PRELID2: variants seen among roughly 807,000 people sequenced by gnomAD.
The protein encoded by PRELID2 is PRELI domain containing 2.
Under a neutral mutation model 28.4 loss-of-function variants are expected in PRELID2, and 25 were observed. The ratio of observed to expected loss-of-function variants is 0.88; its 90% CI spans 0.64 to 1.23. The LOEUF (loss-of-function observed/expected upper bound fraction) is 1.23. Among genes scored for constraint, PRELID2 ranks in the 50% most tolerant of loss-of-function variants. The pLI, the probability that PRELID2 is intolerant of heterozygous loss-of-function variation, is 0.00. For missense variants in PRELID2, 201 were observed against 214.4 expected, an observed-to-expected ratio of 0.94 and a Z score of 0.39; for synonymous variants, 76 against 71.6, an observed-to-expected ratio of 1.06 and a Z score of -0.31.
chr5:145,611,685 T>C (rs1302470404), intron 1 of PRELID2, among the ~76,000 whole-genome samples: 1 of 152,180 alleles, frequency 6.6e-6, no homozygotes, highest in Non-Finnish European at 1.5e-5. Context: ...AAGACACAAC[T>C]TTTTTAAAAT....
At chr5:145,413,608 A>C in the PRELID2 span, among the ~76,000 whole-genome samples, 1 of 126,020 alleles carries the variant, frequency 7.9e-6, no homozygotes, top group African/African-American at 3.2e-5. Flanking sequence ...TGGATGAAGA[A>C]AATACACACA....
intron 1 of PRELID2, among the ~76,000 whole-genome samples, chr5:145,491,903 CCA>C (rs1752273130): frequency 6.6e-6 from 1 of 152,122 alleles, no homozygotes; most frequent in Admixed American, 6.6e-5. Context: ...GAATAGTACT[CCA>C]GTTTGTATAT....
intron 1 of PRELID2, among the ~76,000 whole-genome samples, chr5:145,688,746 G>A (rs892730821): frequency 3.9e-5 from 6 of 152,178 alleles, no homozygotes; most frequent in African/African-American, 9.7e-5. Flanking sequence ...AGAGCGTAAG[G>A]TGCAAACTTG....
At position 145,644,479 on chromosome 5, in the gene PRELID2, T is replaced by A. The variant is rs1302348114; in HGVS notation, n.70+120452A>T. ...AAAAAAAAACAGCTCCTGGATTCAC[T>A]GATTTTTTGGAAGGGTTTTTCATGT... On this transcript the variant is annotated intron_variant and non_coding_transcript_variant, in intron 1 of 2. Transcript: ENST00000510259. Among the ~76,000 whole-genome samples the A allele has an allele frequency of 2.6e-5, 4 of 152,302 alleles. No individual in the cohort carries two copies. In the East Asian group the frequency reaches 5.8e-4, roughly 22 times the overall value.
At chr5:145,801,182 CTGAG>C (rs1753115751) in intron 4 of PRELID2, among the ~76,000 whole-genome samples, 1 of 152,144 alleles carries the variant, frequency 6.6e-6, no homozygotes, top group African/African-American at 2.4e-5. Context: ...TAATAAGACC[CTGAG>C]TATCACTTTT....
At chr5:145,690,546 T>C (rs1755127645) in intron 1 of PRELID2, among the ~76,000 whole-genome samples, 1 of 152,124 alleles carries the variant, frequency 6.6e-6, no homozygotes, top group Admixed American at 6.6e-5. Context: ...GGCAAGCTTG[T>C]TTGAATATAG....
the PRELID2 span, chr5:145,381,662 C>G: frequency 6.6e-6 from 1 of 152,358 alleles, no homozygotes; most frequent in Non-Finnish European, 1.5e-5. Context: ...TCCACTGAAA[C>G]TCAAAAACAG....
chr5:145,299,044 G>A, the PRELID2 span, among the ~76,000 whole-genome samples: 13 of 151,706 alleles, frequency 8.6e-5, no homozygotes, highest in Non-Finnish European at 1.3e-4. Flanking sequence ...TTTTATTATA[G>A]AAAATTTTAA....
rs200075218 is a variant in PRELID2 at position 145,713,362 on chromosome 5, A to ATATATG, written n.70+51568_70+51569insCATATA. Among the ~76,000 whole-genome samples, 1,347 of 142,296 alleles carry ATATATG rather than the reference A, an allele frequency of 9.5e-3. 45 individuals carry two copies. Among genetic ancestry groups the ATATATG allele is most frequent in the East Asian group, 0.075 (375 of 5,000 alleles). 93.4% of individuals were successfully genotyped at this position (142,296 alleles called of 152,430 possible). On this transcript the variant is annotated intron_variant and non_coding_transcript_variant, in intron 1 of 2. Coordinates refer to the PRELID2 transcript ENST00000510259. Reference sequence around the variant, plus strand: ...ATGATATCTGACTTTATATATATATATATATATACTTTACATTATATATAT... The same window carrying ATATATG: ...ATGATATCTGACTTTATATATATATATATATGTATATATACTTTACATTATATATAT...
At chr5:145,568,022 G>T (rs1056923036) in intron 1 of PRELID2, among the ~76,000 whole-genome samples, 1 of 152,068 alleles carries the variant, frequency 6.6e-6, no homozygotes, top group African/African-American at 2.4e-5. Flanking sequence ...GGACGATACT[G>T]GGCCTTCTCC....
intron 1 of PRELID2, among the ~76,000 whole-genome samples, chr5:145,482,794 G>A (rs569237043): frequency 1.4e-4 from 21 of 151,838 alleles, no homozygotes; most frequent in Non-Finnish European, 2.6e-4. Flanking sequence ...GGTGATGGGA[G>A]ACAGTGACAG....
At chr5:145,696,126 T>C (rs559638226) in intron 1 of PRELID2, among the ~76,000 whole-genome samples, 25 of 151,968 alleles carry the variant, frequency 1.6e-4, no homozygotes, top group African/African-American at 5.6e-4. Flanking sequence ...TTAGTATAGT[T>C]TCTGGCACAT....
chr5:145,252,709 G>A, the PRELID2 span, among the ~76,000 whole-genome samples: 1 of 151,966 alleles, frequency 6.6e-6, no homozygotes, highest in African/African-American at 2.4e-5. Context: ...GGAGGAGAGA[G>A]GAATTGGGAG....
Position 145,604,748 on chromosome 5 carries a change from GTTT to G in PRELID2, n.71-131436_71-131434del, listed in dbSNP as rs377653737. Among the ~76,000 whole-genome samples, 110 of 108,978 alleles carry G rather than the reference GTTT, an allele frequency of 1.0e-3. 1 individual carries two copies. The East Asian group carries it at 0.012, about 12-fold the overall frequency. The allele number at this position is 108,978 out of a possible 152,430, so 71.5% of individuals were successfully genotyped here. A position where few individuals can be genotyped will look rare whatever the true frequency, so the allele number is the denominator to read the frequency against. On this transcript the variant is annotated intron_variant and non_coding_transcript_variant, in intron 1 of 2. Coordinates refer to the PRELID2 transcript ENST00000510259. ...ACCTCACCAGCATCTGTTTTTTTTG[GTTT>G]TTTTTTTTTTTTTTTTTTACTTTTT...
chr5:145,673,035 G>T (rs1754740592), intron 1 of PRELID2, among the ~76,000 whole-genome samples: 1 of 152,104 alleles, frequency 6.6e-6, no homozygotes, highest in Non-Finnish European at 1.5e-5. Context: ...AAAGTCTGGA[G>T]GAAATAGAGT....
chr5:145,299,998 TCATTA>T, the PRELID2 span, among the ~76,000 whole-genome samples: 6 of 152,142 alleles, frequency 3.9e-5, no homozygotes, highest in Admixed American at 2.6e-4. Context: ...TTTTTTCATT[TCATTA>T]TGAACTCAAG....
At chr5:145,324,998 G>A in the PRELID2 span, among the ~76,000 whole-genome samples, 3 of 152,108 alleles carry the variant, frequency 2.0e-5, no homozygotes, top group East Asian at 5.8e-4. Context: ...TGGGGTTCAA[G>A]TCTCCTGGAG....
chr5:145,524,769 A>G (rs1371621881), intron 1 of PRELID2, among the ~76,000 whole-genome samples: 1 of 152,192 alleles, frequency 6.6e-6, no homozygotes, highest in East Asian at 1.9e-4. Flanking sequence ...ATTCTGGGTT[A>G]CAGTCATAGG....
At chr5:145,275,879 C>T in the PRELID2 span, among the ~76,000 whole-genome samples, 1 of 152,116 alleles carries the variant, frequency 6.6e-6, no homozygotes, top group Non-Finnish European at 1.5e-5. Context: ...TATCATCATC[C>T]TCAACTCTGC....
Sources: allele counts gnomAD v4.1 joint callset (sites outside exome capture counted in the v4.1 genomes callset), GRCh38; gene constraint gnomAD v4.1.1; transcripts MANE v1.5; gene names NCBI Gene and HGNC (gene_info 2026-07-23, HGNC 2026-07-21).